Variants in DNAH9 observed in about 807,000 individuals in gnomAD.
The protein encoded by DNAH9 is DNAH9 variant protein.
Under a neutral mutation model 471.6 loss-of-function variants are expected in DNAH9, and 345 were observed. The observed-to-expected ratio is 0.73, with a 90% CI of 0.67 to 0.80. The LOEUF is 0.80. DNAH9 is among the 30% of genes least tolerant of loss of function. The probability of loss-of-function intolerance (pLI) is 0.00; values close to 1 mark genes in which losing one functional copy is unlikely to be tolerated. For missense variants in DNAH9, 5,407 were observed against 5,609.2 expected (o/e 0.96, Z 1.15); for synonymous variants, 2,093 against 2,123.6 (o/e 0.99, Z 0.40).
At chr17:11,647,319 C>A (rs1025327470) in intron 12 of DNAH9, 121 bp downstream of exon 12, 5 of 1,025,456 alleles carry the variant, frequency 4.9e-6, no homozygotes, top group South Asian at 1.5e-5. Context: ...GTCGCCCAGG[C>A]TGGAGTGCAG....
Position 11,610,549 on chromosome 17 carries a change from G to A in DNAH9, c.768G>A (p.Lys256=), listed in dbSNP as rs1168512729. ...CTAAGGTGGAGTTGGAGTTCTGGAA[G>A]AGCAGGTAGGCAAGAAGGCACATGC... ...PTPKVELEFW[K]SRYEDLKYIY... is the part of the protein sequence containing the mutation. The change falls in exon 3 of 69, where the codon AAG becomes AAA. Residue 256 remains lysine, a synonymous_variant. Coordinates refer to ENST00000262442, the MANE Select transcript of DNAH9 (RefSeq NM_001372.4). 1 of 1,612,226 alleles carries A rather than the reference G, an allele frequency of 6.2e-7. No individual in the cohort carries two copies. Among genetic ancestry groups the A allele is most frequent in the African/African-American group, 1.3e-5 (1 of 74,880 alleles).
intron 52 of DNAH9, among the ~76,000 whole-genome samples, chr17:11,873,816 A>T (rs1972369671): frequency 6.6e-6 from 1 of 152,104 alleles, no homozygotes; most frequent in African/African-American, 2.4e-5. Flanking sequence ...GGTAGAGCCG[A>T]TGGCTGCATA....
At chr17:11,721,478 C>T (rs1273716416) in intron 27 of DNAH9, among the ~76,000 whole-genome samples, 1 of 152,140 alleles carries the variant, frequency 6.6e-6, no homozygotes, top group African/African-American at 2.4e-5. Flanking sequence ...CAAACTTCCT[C>T]TACCTTTGTT....
rs1206459802 is a variant in DNAH9, at chr17:11,886,819, C to A, written c.10972-6C>A. The A allele has an allele frequency of 6.2e-7, 1 of 1,602,720 alleles. No homozygotes were observed. The highest frequency in any genetic ancestry group is 1.3e-5 in the African/African-American group (1 of 74,662). ...AACAGTGGGCTGCTGTTTATTTTTCCAACAGGTCCAGGAGGCCAAGGTGAC... is the reference window on the plus strand; with the variant it reads ...AACAGTGGGCTGCTGTTTATTTTTCAAACAGGTCCAGGAGGCCAAGGTGAC... On this transcript the variant is annotated splice_region_variant and splice_polypyrimidine_tract_variant and intron_variant, in intron 56 of 68. Coordinates refer to ENST00000262442, the MANE Select transcript of DNAH9 (RefSeq NM_001372.4).
chr17:11,891,708 G>C, intron 57 of DNAH9, 69 bp from the exon 58 acceptor site: 1 of 1,501,852 alleles, frequency 6.7e-7, no homozygotes, highest in South Asian at 1.3e-5. Flanking sequence ...CACATTCTTC[G>C]CAGGTAAGAC....
intron 57 of DNAH9, among the ~76,000 whole-genome samples, chr17:11,888,324 A>C (rs1972948896): frequency 6.6e-6 from 1 of 152,160 alleles, no homozygotes; most frequent in African/African-American, 2.4e-5. Flanking sequence ...ACTTGGCCTC[A>C]TATTTAGTTT....
intron 59 of DNAH9, among the ~76,000 whole-genome samples, chr17:11,899,719 G>A (rs370886188): frequency 1.3e-5 from 2 of 152,274 alleles, no homozygotes; most frequent in East Asian, 3.9e-4. Flanking sequence ...ACTGGGAAGA[G>A]GGGGTGAGTG....
chr17:11,648,195 A>T (rs2073431586), intron 12 of DNAH9, among the ~76,000 whole-genome samples: 1 of 152,232 alleles, frequency 6.6e-6, no homozygotes, highest in East Asian at 1.9e-4. Flanking sequence ...TGCTCCAGGA[A>T]TGCACTATAG....
chr17:11,944,417 A>T (rs1975045011), intron 67 of DNAH9, among the ~76,000 whole-genome samples: 1 of 152,142 alleles, frequency 6.6e-6, no homozygotes, highest in Non-Finnish European at 1.5e-5. Context: ...GAGGAAGGGT[A>T]GGGTTGTGAC....
intron 10 of DNAH9, among the ~76,000 whole-genome samples, chr17:11,643,855 G>T (rs2073326140): frequency 6.6e-6 from 1 of 152,298 alleles, no homozygotes; most frequent in African/African-American, 2.4e-5. Flanking sequence ...AGTATTGCAG[G>T]CAATTGTAGC....
In DNAH9 at chr17:11,932,087, T is replaced by C. The variant is rs773973614; in HGVS notation, c.12179T>C (p.Val4060Ala). The part of the protein sequence containing the change: ...ILFALCYFHA[V>A]VAERRKFGPQ... ...TTTGCTCTTTGTTACTTCCATGCGG[T>C]GGTGGCAGAAAGACGAAAATTTGGG... is the stretch of plus-strand genomic sequence containing the variant. The change falls in exon 64 of 69, where the codon GTG becomes GCG. Residue 4060 changes from valine to alanine, a missense_variant. Val to Ala is a moderately conservative substitution (Grantham distance 64, BLOSUM62 0). Around this residue, in one of 3 missense-constraint regions of DNAH9, gnomAD observed 4,636 missense variants for 4,900.3 expected, o/e 0.95. Transcript: ENST00000262442. This position sits in a 1 kb window ranked among gnomAD's most constrained non-coding sequence, Gnocchi z 4.3. The C allele has an allele frequency of 2.5e-6, 4 of 1,613,954 alleles. No individual in the cohort carries two copies. The Admixed American group carries it at 6.7e-5, about 27-fold the overall frequency.
Position 11,669,623 on chromosome 17 carries a change from A to C in DNAH9, c.3182A>C (p.Gln1061Pro). The C allele has an allele frequency of 6.2e-7, 1 of 1,614,212 alleles. No individual in the cohort carries two copies. The highest frequency in any genetic ancestry group is 8.5e-7 in the Non-Finnish European group (1 of 1,180,030). Residue 1061 changes from glutamine to proline, a missense_variant, in exon 17 of 69, where the codon CAA becomes CCA. This residue lies in a region of DNAH9 where 4,636 missense variants were observed against 4,900.3 expected (regional missense o/e 0.95). Coordinates refer to ENST00000262442, the MANE Select transcript of DNAH9 (RefSeq NM_001372.4). ...NPPLLSQFKV[Q>P]IDSYETLYEE... Reference sequence around the variant, plus strand: ...CCCCTCCTTTCTCAGTTTAAAGTGCAAATCGACTCCTATGAAACGCTCTAT... The same window carrying C: ...CCCCTCCTTTCTCAGTTTAAAGTGCCAATCGACTCCTATGAAACGCTCTAT...
chr17:11,724,157 A>G (rs59249860), intron 27 of DNAH9, among the ~76,000 whole-genome samples: 3,183 of 152,286 alleles, frequency 0.021, 110 homozygotes, highest in African/African-American at 0.072. Context: ...TAGGATAACC[A>G]TCATCCCAAA....
At chr17:11,742,092 C>T (rs755988380) in intron 29 of DNAH9, 83 bp from the exon 30 acceptor site, 63 of 1,299,232 alleles carry the variant, frequency 4.8e-5, no homozygotes, top group African/African-American at 3.4e-4. Flanking sequence ...TGTGTGATCT[C>T]GGCCAGTGCT....
chr17:11,849,044 G>C (rs991362278), intron 49 of DNAH9, among the ~76,000 whole-genome samples: 1 of 152,102 alleles, frequency 6.6e-6, no homozygotes, highest in African/African-American at 2.4e-5. Context: ...CACCGTGTTA[G>C]CCAGGATGGT....
chr17:11,910,187 G>A (rs546354871), intron 61 of DNAH9, among the ~76,000 whole-genome samples: 124 of 151,694 alleles, frequency 8.2e-4, no homozygotes, highest in African/African-American at 2.9e-3. Context: ...CCCGGGAGGC[G>A]GAGGTTGCAG....
intron 67 of DNAH9, among the ~76,000 whole-genome samples, chr17:11,959,807 G>A (rs1975928873): frequency 6.6e-6 from 1 of 152,028 alleles, no homozygotes; most frequent in Non-Finnish European, 1.5e-5. Flanking sequence ...ATAAATACGT[G>A]GAATGAAATC....
At chr17:11,778,732 C>T (rs1216247337) in intron 38 of DNAH9, among the ~76,000 whole-genome samples, 1 of 152,108 alleles carries the variant, frequency 6.6e-6, no homozygotes, top group Non-Finnish European at 1.5e-5. Context: ...GCAGGCCGGG[C>T]ACAGTGGCTC....
In DNAH9 at chr17:11,669,673, A is replaced by G. The variant is rs147586307; in HGVS notation, c.3232A>G (p.Ile1078Val). 1 of 1,614,208 alleles carries G rather than the reference A, an allele frequency of 6.2e-7. No individual in the cohort carries two copies. The highest frequency in any genetic ancestry group is 1.3e-5 in the African/African-American group (1 of 75,052). Residue 1078 changes from isoleucine (I) to valine (V), a missense_variant, in exon 17 of 69, where the codon ATC becomes GTC. By Grantham distance (29) the Ile-to-Val change is conservative. Transcript: ENST00000262442. ...TGAAGAGGTGTGCAGGCTGGAACCC[A>G]TCAAGGTGTTTGACGGCTGGATGAA... The part of the protein sequence containing the change: ...LYEEVCRLEP[I>V]KVFDGWMKID...
Sources: allele counts gnomAD v4.1 joint callset (sites outside exome capture counted in the v4.1 genomes callset), GRCh38; gene constraint gnomAD v4.1.1; regional missense constraint gnomAD v4.1.1; non-coding constraint Gnocchi (gnomAD v3.1); transcripts MANE v1.5; gene names NCBI Gene and HGNC (gene_info 2026-07-23, HGNC 2026-07-21).